TEX15: variants seen among roughly 807,000 people sequenced by gnomAD.
The protein encoded by TEX15 is testis-expressed protein 15.
Under a neutral mutation model 237.3 loss-of-function variants are expected in TEX15, and 171 were observed. The ratio of observed to expected loss-of-function variants is 0.72; its 90% CI spans 0.64 to 0.82. The LOEUF (loss-of-function observed/expected upper bound fraction) is 0.82. Among genes scored for constraint, TEX15 ranks in the 40% least tolerant of loss-of-function variants. The pLI is 0.00. For synonymous variants in TEX15, 1,338 were observed against 1,269.8 expected, an observed-to-expected ratio of 1.05 and a Z score of -1.14; for missense variants, 3,750 against 3,646.5, an observed-to-expected ratio of 1.03 and a Z score of -0.73.
intron 7 of TEX15, among the ~76,000 whole-genome samples, chr8:30,856,230 G>A (rs531748616): frequency 6.6e-6 from 1 of 152,034 alleles, no homozygotes; most frequent in South Asian, 2.1e-4. Flanking sequence ...ACAGGCATAA[G>A]CCATGGTGCC....
At position 30,881,610 on chromosome 8, in the gene TEX15, C is replaced by CTTTTTTTTTTT. The variant is rs1164594718; in HGVS notation, c.136+5556_136+5557insAAAAAAAAAAA. ...TTCATTAATTATCCTTCCATCTTGA[C>CTTTTTTTTTTT]TTTTTATTTTTTTTTATTATTTTTT... On this transcript the variant is annotated intron_variant, in intron 3 of 10. Transcript: ENST00000643185. 1.3e-3 allele frequency among the ~76,000 whole-genome samples: 140 copies of CTTTTTTTTTTT among 109,416 alleles called. 15 individuals are homozygous for CTTTTTTTTTTT. Among genetic ancestry groups the CTTTTTTTTTTT allele is most frequent in the African/African-American group, 2.6e-3 (40 of 15,406 alleles). The allele number at this position is 109,416 out of a possible 152,430, so 71.8% of individuals were successfully genotyped here. A position where few individuals can be genotyped will look rare whatever the true frequency, so the allele number is the denominator to read the frequency against.
Position 30,842,755 on chromosome 8 carries a change from AACCTCTGTT to A in TEX15, c.7403_7411del (p.Lys2468_Phe2471delinsIle). Reference sequence around the variant, plus strand: ...CAAATCAAACCAAAGCATACCTCGAAACCTCTGTTTGTCTAGTTTCTTTGCTATTGAGTT... The same window carrying A: ...CAAATCAAACCAAAGCATACCTCGAATGTCTAGTTTCTTTGCTATTGAGTT... On this transcript the variant is annotated inframe_deletion, in exon 8 of 11. Coordinates refer to ENST00000643185, the MANE Select transcript of TEX15 (RefSeq NM_001350162.2). 3 of 1,613,560 alleles carry A rather than the reference AACCTCTGTT, an allele frequency of 1.9e-6. No individual in the cohort carries two copies. Among genetic ancestry groups the A allele is most frequent in the Non-Finnish European group, 2.5e-6 (3 of 1,179,764 alleles).
At chr8:30,891,483 C>G (rs1808792292) in intron 2 of TEX15, among the ~76,000 whole-genome samples, 1 of 151,898 alleles carries the variant, frequency 6.6e-6, no homozygotes, top group Admixed American at 6.6e-5. Context: ...CTCCCCGCAC[C>G]CCCCCTTTTT....
chr8:30,839,016 A>G (rs1807384075), intron 9 of TEX15, among the ~76,000 whole-genome samples: 1 of 151,690 alleles, frequency 6.6e-6, no homozygotes, highest in Non-Finnish European at 1.5e-5. Flanking sequence ...GTGTTTCACC[A>G]TGTTGGTCAG....
intron 6 of TEX15, among the ~76,000 whole-genome samples, chr8:30,859,433 TA>T (rs1407832163): frequency 6.6e-6 from 1 of 152,100 alleles, no homozygotes; most frequent in Non-Finnish European, 1.5e-5. Flanking sequence ...TTATGATTGA[TA>T]AATCTTAACT....
At position 30,845,366 on chromosome 8, in the gene TEX15, T is replaced by A; in HGVS notation, c.4801A>T (p.Thr1601Ser). ...TTAGCGTCACAACTGTTTTCTTTAGTTGCATCTTTAACATTATGATTTGCT... is the reference window on the plus strand; with the variant it reads ...TTAGCGTCACAACTGTTTTCTTTAGATGCATCTTTAACATTATGATTTGCT... ...HSANHNVKDA[T>S]KENSCDANEV... is the part of the protein sequence containing the mutation. Residue 1601 changes from threonine (T) to serine (S), a missense_variant, in exon 8 of 11, where the codon ACT becomes TCT. Physicochemically the swap from Thr to Ser is moderately conservative, Grantham distance 58 (BLOSUM62 1). Transcript: ENST00000643185. 1 of 1,611,726 alleles carries A rather than the reference T, an allele frequency of 6.2e-7. No homozygotes were observed. Among genetic ancestry groups the A allele is most frequent in the Non-Finnish European group, 8.5e-7 (1 of 1,178,470 alleles).
chr8:30,842,379 C>A lies in TEX15; in HGVS notation c.7788G>T (p.Lys2596Asn), dbSNP rs1807479975. Residue 2596 changes from lysine (K) to asparagine (N), a missense_variant, in exon 8 of 11, where the codon AAG (lysine) becomes AAT (asparagine). By Grantham distance (94) the Lys-to-Asn change is moderately conservative. Transcript: ENST00000643185. ...YNYNQFSTLL[K>N]NVMSAPRKDL... ...CTTTCCTAGGGGCAGACATTACATT[C>A]TTCAGCAGTGTAGAAAATTGATTGT... 6.2e-7 allele frequency: 1 copy of A among 1,613,758 alleles called. No individual in the cohort carries two copies. Among genetic ancestry groups the A allele is most frequent in the East Asian group, 2.2e-5 (1 of 44,830 alleles).
chr8:30,891,773 A>G (rs1238504222), intron 2 of TEX15, among the ~76,000 whole-genome samples: 1 of 152,052 alleles, frequency 6.6e-6, no homozygotes, highest in African/African-American at 2.4e-5. Flanking sequence ...CCAGCCCCCA[A>G]TTTTTGAGAA....
intron 2 of TEX15, among the ~76,000 whole-genome samples, chr8:30,891,986 T>C (rs1262590863): frequency 6.6e-6 from 1 of 152,226 alleles, no homozygotes; most frequent in East Asian, 1.9e-4. Flanking sequence ...TTTTCTAAAA[T>C]AGGTATGTTT....
intron 5 of TEX15, among the ~76,000 whole-genome samples, chr8:30,861,981 A>G (rs1024899525): frequency 6.6e-6 from 1 of 152,132 alleles, no homozygotes; most frequent in Non-Finnish European, 1.5e-5. Flanking sequence ...GACTGGCAAA[A>G]GTTTTTTTTA....
In TEX15 at chr8:30,837,397, C is replaced by T; in HGVS notation, c.8887G>A (p.Asp2963Asn). 6.2e-7 allele frequency: 1 copy of T among 1,614,080 alleles called. No homozygotes were observed. Among genetic ancestry groups the T allele is most frequent in the Non-Finnish European group, 8.5e-7 (1 of 1,179,996 alleles). ...KLQPTETESE[D>N]KYMKDTLNPN... The stretch of plus-strand genomic sequence containing the variant: ...TTCAATGTATCCTTCATGTATTTGT[C>T]CTCTGACTCAGTTTCTGTAGGCTGT... The change falls in exon 10 of 11, where the codon GAC becomes AAC. Residue 2963 changes from aspartate to asparagine, a missense_variant. Coordinates refer to ENST00000643185, the MANE Select transcript of TEX15 (RefSeq NM_001350162.2).
At position 30,846,603 on chromosome 8, in the gene TEX15, G is replaced by C. The variant is rs952875856; in HGVS notation, c.3564C>G (p.Ala1188=). The change falls in exon 8 of 11, where the codon GCC becomes GCG. Residue 1188 remains alanine, a synonymous_variant. Coordinates refer to ENST00000643185, the MANE Select transcript of TEX15 (RefSeq NM_001350162.2). ...KDSFCTHVTE[A]TKPEINKEDG... ...CTTCCTTATTTATTTCCGGTTTTGT[G>C]GCTTCAGTTACATGTGTGCAAAAAC... The C allele has an allele frequency of 6.2e-7, 1 of 1,613,678 alleles. No individual in the cohort carries two copies. The highest frequency in any genetic ancestry group is 1.3e-5 in the African/African-American group (1 of 74,888).
intron 4 of TEX15, among the ~76,000 whole-genome samples, chr8:30,869,804 A>C (rs1182068891): frequency 2.0e-5 from 3 of 152,052 alleles, no homozygotes; most frequent in Non-Finnish European, 2.9e-5. Context: ...GCATCAGGCA[A>C]GGAGCTTCAC....
rs1311087498 is a variant in TEX15, at chr8:30,842,427, A to G, written c.7740T>C (p.Thr2580=). The G allele has an allele frequency of 1.2e-6, 2 of 1,613,678 alleles. No homozygotes were observed. The highest frequency in any genetic ancestry group is 1.3e-5 in the African/African-American group (1 of 75,028). Residue 2580 remains threonine, a synonymous_variant, in exon 8 of 11, where the codon ACT becomes ACC. Coordinates refer to ENST00000643185, the MANE Select transcript of TEX15 (RefSeq NM_001350162.2). ...PYIASINYGS[T]VTELEYNYNQ... ...TGTAGTTGTATTCTAACTCTGTCAC[A>G]GTGCTTCCATAATTTATGGATGCTA... is the stretch of plus-strand genomic sequence containing the variant.
In TEX15 at chr8:30,837,390, TATTTG is replaced by T. The variant is rs1807330116; in HGVS notation, c.8889_8893del (p.Asp2963GlufsTer23). On this transcript the variant is annotated frameshift_variant, in exon 10 of 11. Transcript: ENST00000643185. LOFTEE classifies it high-confidence loss of function. ...ATTGGGATTCAATGTATCCTTCATG[TATTTG>T]TCCTCTGACTCAGTTTCTGTAGGCT... 2 of 1,614,122 alleles carry T rather than the reference TATTTG, an allele frequency of 1.2e-6. No individual in the cohort carries two copies. The highest frequency in any genetic ancestry group is 1.7e-6 in the Non-Finnish European group (2 of 1,179,962).
chr8:30,857,390 A>G (rs1322560888), intron 7 of TEX15, among the ~76,000 whole-genome samples: 1 of 152,230 alleles, frequency 6.6e-6, no homozygotes, highest in Non-Finnish European at 1.5e-5. Context: ...TTCTTATGAA[A>G]GACACATGTA....
chr8:30,859,671 T>A (rs964266759), intron 6 of TEX15, among the ~76,000 whole-genome samples: 1 of 152,146 alleles, frequency 6.6e-6, no homozygotes, highest in African/African-American at 2.4e-5. Context: ...AGTTAGTAAT[T>A]AATCTATATA....
Position 30,848,999 on chromosome 8 carries a change from CTT to C in TEX15, c.1166_1167del (p.Lys389ArgfsTer4). The C allele has an allele frequency of 6.2e-7, 1 of 1,614,182 alleles. No homozygotes were observed. Among genetic ancestry groups the C allele is most frequent in the South Asian group, 1.1e-5 (1 of 91,074 alleles). On this transcript the variant is annotated frameshift_variant, in exon 8 of 11. Transcript: ENST00000643185. LOFTEE classifies it high-confidence loss of function. ...SDISLMPSDA[K>X]DSVNGDLLLN... ...AACAAAAGGTCACCATTAACACTGTCTTTGGCATCACTGGGCATAAGTGAAAT... is the reference window on the plus strand; with the variant it reads ...AACAAAAGGTCACCATTAACACTGTCTGGCATCACTGGGCATAAGTGAAAT...
chr8:30,838,186 T>C, intron 9 of TEX15, 125 bp from the exon 10 acceptor site: 2 of 825,760 alleles, frequency 2.4e-6, no homozygotes, highest in African/African-American at 1.8e-5. Flanking sequence ...TTTCCCATTC[T>C]ATTGGCACTA....
Sources: gnomAD v4.1 joint callset for allele counts (sites outside exome capture counted in the v4.1 genomes callset) on GRCh38, gnomAD v4.1.1 for gene constraint, MANE v1.5 for transcripts, NCBI Gene and HGNC (gene_info 2026-07-23, HGNC 2026-07-21) for gene names.